NCAM2: variants seen among roughly 807,000 people sequenced by gnomAD.
NCAM2 encodes the protein N-CAM-2.
NCAM2 carries 30 observed loss-of-function variants against 98.1 expected under a neutral mutation model. The ratio of observed to expected loss-of-function variants is 0.31; its 90% confidence interval spans 0.23 to 0.41. NCAM2 has a LOEUF of 0.41. Among genes scored for constraint, NCAM2 ranks in the 10% least tolerant of loss-of-function variants. NCAM2 has a pLI of 1.00. For missense variants in NCAM2, 867 were observed against 1,005.8 expected (o/e 0.86, Z 1.87); for synonymous variants, 368 against 342.4 (o/e 1.07, Z -0.83).
At chr21:21,201,005 A>AT (rs1273404137) in intron 1 of NCAM2, among the ~76,000 whole-genome samples, 1 of 152,038 alleles carries the variant, frequency 6.6e-6, no homozygotes, top group African/African-American at 2.4e-5. Context: ...TTATGATTTT[A>AT]ATATATATTT....
intron 14 of NCAM2, among the ~76,000 whole-genome samples, chr21:21,472,993 C>CAT (rs1569099357): frequency 8.0e-6 from 1 of 124,250 alleles, no homozygotes; most frequent in Non-Finnish European, 1.9e-5. Flanking sequence ...CACACACACA[C>CAT]GCACACATAC....
Position 21,454,863 on chromosome 21 carries a change from A to G in NCAM2, c.1655-11743A>G, listed in dbSNP as rs971857882. On this transcript the variant is annotated intron_variant, in intron 12 of 17. Transcript: ENST00000400546. ...ATGAAGTATTCAAATTTCTTAATAA[A>G]TAGAAAAAGAAATATATAACAGAAA... 7.9e-5 allele frequency among the ~76,000 whole-genome samples: 12 copies of G among 151,934 alleles called. No individual in the cohort carries two copies. The South Asian group carries it at 2.1e-3, about 26-fold the overall frequency.
At chr21:21,165,954 T>G (rs1447384621) in intron 1 of NCAM2, among the ~76,000 whole-genome samples, 1 of 152,162 alleles carries the variant, frequency 6.6e-6, no homozygotes, top group Non-Finnish European at 1.5e-5. Flanking sequence ...CTATGAGAGC[T>G]CCCCATAACC....
At chr21:21,017,002 AT>A (rs1452302245) in intron 1 of NCAM2, among the ~76,000 whole-genome samples, 1 of 152,158 alleles carries the variant, frequency 6.6e-6, no homozygotes, top group Non-Finnish European at 1.5e-5. Context: ...AGAAGCTAAC[AT>A]TTTTCAAGGT....
intron 1 of NCAM2, among the ~76,000 whole-genome samples, chr21:21,089,661 A>G (rs1257812144): frequency 6.6e-6 from 1 of 152,094 alleles, no homozygotes; most frequent in Non-Finnish European, 1.5e-5. Flanking sequence ...CTATGTTTAT[A>G]TGGTTCAGTG....
intron 12 of NCAM2, among the ~76,000 whole-genome samples, chr21:21,444,081 T>C (rs951236192): frequency 1.3e-5 from 2 of 152,194 alleles, no homozygotes; most frequent in Non-Finnish European, 2.9e-5. Flanking sequence ...GGCCTGCATC[T>C]ATTGAGATTA....
intron 1 of NCAM2, chr21:21,223,597 T>C (rs1296033668): frequency 6.6e-6 from 1 of 152,106 alleles, no homozygotes; most frequent in African/African-American, 2.4e-5. Flanking sequence ...AGCCATGCAG[T>C]GCTCTTAAGA....
At chr21:21,497,737 G>A (rs1272935667) in intron 15 of NCAM2, among the ~76,000 whole-genome samples, 2 of 152,050 alleles carry the variant, frequency 1.3e-5, no homozygotes, top group South Asian at 2.1e-4. Context: ...AGCATTCTGG[G>A]AAAAGAAATT....
At chr21:21,527,368 A>C (rs1989384245) in intron 16 of NCAM2, among the ~76,000 whole-genome samples, 1 of 152,100 alleles carries the variant, frequency 6.6e-6, no homozygotes, top group East Asian at 1.9e-4. Flanking sequence ...GACTAGTATA[A>C]AATTAAAAAT....
intron 1 of NCAM2, among the ~76,000 whole-genome samples, chr21:21,105,317 T>C (rs973889582): frequency 6.6e-6 from 1 of 152,112 alleles, no homozygotes; most frequent in Non-Finnish European, 1.5e-5. Context: ...TTTGACTTTG[T>C]TTTAAATAAA....
chr21:21,035,904 G>A (rs751702690), intron 1 of NCAM2, among the ~76,000 whole-genome samples: 4 of 152,038 alleles, frequency 2.6e-5, no homozygotes, highest in Non-Finnish European at 5.9e-5. Context: ...ATTTTCTGTG[G>A]CCTATAGCAA....
chr21:21,209,437 T>C (rs1013873542), intron 1 of NCAM2, among the ~76,000 whole-genome samples: 4 of 152,124 alleles, frequency 2.6e-5, no homozygotes, highest in African/African-American at 9.7e-5. Context: ...TTTTCCAGTC[T>C]CAAATCCCTT....
At chr21:21,158,059 C>G (rs976665006) in intron 1 of NCAM2, among the ~76,000 whole-genome samples, 8 of 152,080 alleles carry the variant, frequency 5.3e-5, no homozygotes, top group African/African-American at 1.9e-4. Flanking sequence ...ATGTTTCTCC[C>G]TATGTTTGCT....
chr21:21,129,075 T>A lies in NCAM2; in HGVS notation c.55+130457T>A, dbSNP rs2066884128. 2.0e-5 allele frequency among the ~76,000 whole-genome samples: 3 copies of A among 152,260 alleles called. No individual in the cohort carries two copies. In the South Asian group the frequency reaches 6.2e-4, roughly 32 times the overall value. ...TGCTTATTAAGAGCTATCATTAAGT[T>A]TTCAGGTAAACAAATTTTAAAACGT... On this transcript the variant is annotated intron_variant, in intron 1 of 17. Coordinates refer to ENST00000400546, the MANE Select transcript of NCAM2 (RefSeq NM_004540.5).
At chr21:21,228,719 C>G (rs939653936) in intron 1 of NCAM2, among the ~76,000 whole-genome samples, 1 of 151,344 alleles carries the variant, frequency 6.6e-6, no homozygotes, top group African/African-American at 2.4e-5. Context: ...TAGGAACCAT[C>G]AATATTACTT....
chr21:21,064,337 A>G (rs1037817178), intron 1 of NCAM2, among the ~76,000 whole-genome samples: 1 of 152,224 alleles, frequency 6.6e-6, no homozygotes, highest in Non-Finnish European at 1.5e-5. Context: ...GGCATTCATA[A>G]AAAGGGCTGG....
intron 1 of NCAM2, among the ~76,000 whole-genome samples, chr21:21,067,707 G>A (rs1309870084): frequency 6.6e-6 from 1 of 151,966 alleles, no homozygotes; most frequent in African/African-American, 2.4e-5. Context: ...TATGAAGAAA[G>A]AAAAAAGTAG....
At chr21:21,214,709 A>AATATATATATTCCATATATATAT (rs2069799265) in intron 1 of NCAM2, among the ~76,000 whole-genome samples, 1 of 65,356 alleles carries the variant, frequency 1.5e-5, no homozygotes, top group African/African-American at 4.3e-5. Flanking sequence ...AGGGGGAGTA[A>AATATATATATTCCATATATATAT]ATATATATAT....
Position 21,418,593 on chromosome 21 carries a change from G to T in NCAM2, c.1480+24G>T, listed in dbSNP as rs746368795. The T allele has an allele frequency of 3.4e-6, 5 of 1,462,870 alleles. No homozygotes were observed. In the Admixed American group the frequency reaches 8.4e-5, roughly 25 times the overall value. The allele number at this position is 1,462,870 out of a possible 1,614,324, so 90.6% of individuals were successfully genotyped here. On this transcript the variant is annotated intron_variant, in intron 11 of 17. Transcript: ENST00000400546. ...TGGTAAGTATAGCACAATAATTTTT[G>T]AGATCGCACACAATATTTCTGAGAG...
Sources: allele counts gnomAD v4.1 joint callset (sites outside exome capture counted in the v4.1 genomes callset), GRCh38; gene constraint gnomAD v4.1.1; transcripts MANE v1.5; gene names NCBI Gene and HGNC (gene_info 2026-07-23, HGNC 2026-07-21).